Variants in NTRK2 observed in about 807,000 individuals in gnomAD.
The protein encoded by NTRK2 is BDNF/NT-3 growth factors receptor.
In NTRK2, 13 loss-of-function variants were observed where a neutral mutation model predicts 94.5. The ratio of observed to expected loss-of-function variants is 0.14; its 90% CI spans 0.09 to 0.22. The LOEUF (loss-of-function observed/expected upper bound fraction) is 0.22. Among genes scored for constraint, NTRK2 ranks in the 10% least tolerant of loss-of-function variants. NTRK2 has a pLI of 1.00. For synonymous variants in NTRK2, 372 were observed against 407.4 expected, an observed-to-expected ratio of 0.91 and a Z score of 1.05; for missense variants, 639 against 1,071.2, an observed-to-expected ratio of 0.60 and a Z score of 5.63.
At chr9:84,955,227 GC>G in intron 16 of NTRK2, 55 bp from the exon 17 acceptor site, 5 of 1,440,860 alleles carry the variant, frequency 3.5e-6, no homozygotes, top group Non-Finnish European at 4.8e-6. Flanking sequence ...GGGGCAAAGG[GC>G]CCCTGGAGTG....
At chr9:84,977,534 A>G (rs1031841274) in intron 17 of NTRK2, among the ~76,000 whole-genome samples, 3 of 152,232 alleles carry the variant, frequency 2.0e-5, no homozygotes, top group Non-Finnish European at 4.4e-5. Context: ...TGCTCTGTGC[A>G]TGGTTGTGAA....
chr9:84,725,185 C>T (rs1327521145), intron 8 of NTRK2, among the ~76,000 whole-genome samples: 1 of 152,122 alleles, frequency 6.6e-6, no homozygotes, highest in Non-Finnish European at 1.5e-5. Context: ...GTCTGACTTA[C>T]ACACGTGTAG....
At chr9:84,994,653 T>C (rs1459786467) in intron 17 of NTRK2, among the ~76,000 whole-genome samples, 1 of 152,212 alleles carries the variant, frequency 6.6e-6, no homozygotes, top group African/African-American at 2.4e-5. Context: ...GTTTTAGACT[T>C]TGGAATTCAA....
At chr9:84,997,302 G>A (rs891481159) in intron 17 of NTRK2, among the ~76,000 whole-genome samples, 3 of 152,104 alleles carry the variant, frequency 2.0e-5, no homozygotes, top group Non-Finnish European at 4.4e-5. Context: ...TTCCAGGATG[G>A]GGGTCAAGAA....
In NTRK2 at chr9:84,958,952, G is replaced by A. The variant is rs1291585394; in HGVS notation, c.2172+3435G>A. Among the ~76,000 whole-genome samples the A allele has an allele frequency of 2.6e-5, 4 of 152,188 alleles. No individual in the cohort carries two copies. The East Asian group carries it at 7.7e-4, about 29-fold the overall frequency. ...CAGGAGAACTCCAGTGCCTCCTGCGGTGGCTAAGTCCCAGAGCACTCTTGC... is the reference window on the plus strand; with the variant it reads ...CAGGAGAACTCCAGTGCCTCCTGCGATGGCTAAGTCCCAGAGCACTCTTGC... On this transcript the variant is annotated intron_variant, in intron 17 of 18. Coordinates refer to ENST00000277120, the MANE Select transcript of NTRK2 (RefSeq NM_006180.6).
chr9:84,963,250 C>T (rs1825166608), intron 17 of NTRK2, among the ~76,000 whole-genome samples: 2 of 152,228 alleles, frequency 1.3e-5, no homozygotes, highest in African/African-American at 4.8e-5. Context: ...TGGGTCAAGA[C>T]TAAGGGCTGA....
chr9:84,677,125 G>A (rs2059109387), intron 2 of NTRK2, among the ~76,000 whole-genome samples: 1 of 152,146 alleles, frequency 6.6e-6, no homozygotes, highest in South Asian at 2.1e-4. Context: ...ATTAGAAGAG[G>A]GGCAGAGCAG....
At chr9:84,717,436 A>C (rs576707912) in intron 6 of NTRK2, among the ~76,000 whole-genome samples, 4 of 152,190 alleles carry the variant, frequency 2.6e-5, no homozygotes, top group African/African-American at 9.7e-5. Context: ...AATTTGGTCA[A>C]CTCTCAAGAA....
chr9:84,763,328 G>C (rs1367633396), intron 12 of NTRK2, among the ~76,000 whole-genome samples: 1 of 151,926 alleles, frequency 6.6e-6, no homozygotes, highest in South Asian at 2.1e-4. Context: ...GACTCTTCCT[G>C]CCTGTATCTA....
intron 12 of NTRK2, chr9:84,811,114 T>C: frequency 1.9e-6 from 2 of 1,068,358 alleles, no homozygotes; most frequent in Non-Finnish European, 2.3e-6. Context: ...TTTTCATCTA[T>C]AACACAGTGA....
chr9:84,874,529 GGTTTTTGTTT>G (rs1247213139), intron 14 of NTRK2: 4 of 1,065,382 alleles, frequency 3.8e-6, no homozygotes, highest in East Asian at 5.0e-5. Flanking sequence ...GGTTGTAGTG[GGTTTTTGTTT>G]GTTTTTGTTT....
At chr9:84,951,817 G>C (rs2078793410) in intron 16 of NTRK2, among the ~76,000 whole-genome samples, 2 of 152,238 alleles carry the variant, frequency 1.3e-5, no homozygotes, top group Admixed American at 1.3e-4. Flanking sequence ...AGGGAGCTGG[G>C]CACTTAGCTG....
At chr9:84,783,782 G>A (rs1028179041) in intron 12 of NTRK2, among the ~76,000 whole-genome samples, 3 of 151,968 alleles carry the variant, frequency 2.0e-5, no homozygotes, top group Non-Finnish European at 4.4e-5. Context: ...AGCAGAGAAC[G>A]GGGGTAGAGA....
chr9:84,999,856 G>T (rs1174597687), intron 17 of NTRK2, among the ~76,000 whole-genome samples: 1 of 152,134 alleles, frequency 6.6e-6, no homozygotes, highest in African/African-American at 2.4e-5. Context: ...GTTTCCTGTA[G>T]GTTTCCTCCA....
Position 85,022,470 on chromosome 9 carries a change from C to A in NTRK2, c.*1033C>A, listed in dbSNP as rs1832830892. 4.3e-6 allele frequency: 1 copy of A among 233,076 alleles called. No homozygotes were observed. Among genetic ancestry groups the A allele is most frequent in the Non-Finnish European group, 8.5e-6 (1 of 118,020 alleles). 14.4% of individuals were successfully genotyped at this position (233,076 alleles called of 1,614,324 possible). A position where few individuals can be genotyped will look rare whatever the true frequency, so the allele number is the denominator to read the frequency against. The stretch of plus-strand genomic sequence containing the variant: ...AAGAGGTGGATTCATGTCCAGAGCT[C>A]ATTTCGGGGTCAGGTGGGAAAGCCA... On this transcript the variant is annotated 3_prime_UTR_variant, in exon 19 of 19. Transcript: ENST00000277120.
At chr9:84,860,505 C>T (rs1484242106) in intron 12 of NTRK2, among the ~76,000 whole-genome samples, 2 of 152,102 alleles carry the variant, frequency 1.3e-5, no homozygotes, top group African/African-American at 4.8e-5. Context: ...TACTCTCCCA[C>T]GGGATTTTGT....
chr9:84,837,679 A>G (rs1447432921), intron 12 of NTRK2, among the ~76,000 whole-genome samples: 1 of 152,232 alleles, frequency 6.6e-6, no homozygotes, highest in Non-Finnish European at 1.5e-5. Flanking sequence ...ACTATGATAA[A>G]CTCAGGATCC....
At position 84,741,900 on chromosome 9, in the gene NTRK2, C is replaced by G; in HGVS notation, c.1168C>G (p.Pro390Ala). 6.2e-7 allele frequency: 1 copy of G among 1,613,030 alleles called. No individual in the cohort carries two copies. The highest frequency in any genetic ancestry group is 8.5e-7 in the Non-Finnish European group (1 of 1,179,606). Residue 390 changes from proline (P) to alanine (A), a missense_variant, in exon 10 of 19, where the codon CCA (proline) becomes GCA (alanine). This residue lies in a region of NTRK2 where 343 missense variants were observed against 571.5 expected (regional missense o/e 0.60). Transcript: ENST00000277120. The stretch of plus-strand genomic sequence containing the variant: ...TCTGTTTTGCCTTTTAGGTGCAAAC[C>G]CAAATTATCCTGATGTAATTTATGA... ...GWPGIDDGAN[P>A]NYPDVIYEDY...
chr9:84,700,109 G>C (rs1158884931), intron 2 of NTRK2, among the ~76,000 whole-genome samples: 1 of 152,186 alleles, frequency 6.6e-6, no homozygotes, highest in Non-Finnish European at 1.5e-5. Context: ...GGTAGGAGGG[G>C]ACAGGCTTGC....
Sources: gnomAD v4.1 joint callset for allele counts (sites outside exome capture counted in the v4.1 genomes callset) on GRCh38, gnomAD v4.1.1 for gene constraint, gnomAD v4.1.1 regional missense constraint, MANE v1.5 for transcripts, NCBI Gene and HGNC (gene_info 2026-07-23, HGNC 2026-07-21) for gene names.